Variants in DTNBP1 observed in about 807,000 individuals in gnomAD.
DTNBP1 encodes dystrobrevin binding protein 1, also known as dysbindin.
Under a neutral mutation model 42.8 loss-of-function variants are expected in DTNBP1, and 35 were observed. The ratio of observed to expected loss-of-function variants is 0.82; its 90% confidence interval spans 0.63 to 1.09. The LOEUF (loss-of-function observed/expected upper bound fraction) is 1.09, where lower values mean the gene tolerates loss of function less well. Among genes scored for constraint, DTNBP1 ranks in the 50% least tolerant of loss-of-function variants. The pLI is 0.00. For synonymous variants in DTNBP1, 171 were observed against 162.2 expected, an observed-to-expected ratio of 1.05 and a Z score of -0.41; for missense variants, 457 against 424.2, an observed-to-expected ratio of 1.08 and a Z score of -0.68.
intron 6 of DTNBP1, among the ~76,000 whole-genome samples, chr6:15,614,797 T>G (rs1317425287): frequency 6.6e-6 from 1 of 152,242 alleles, no homozygotes; most frequent in Admixed American, 6.5e-5. Flanking sequence ...ATCAGTGACA[T>G]TGAGGCCAAG....
In DTNBP1 at chr6:15,522,983, C is replaced by T. The variant is rs375282879; in HGVS notation, c.1048G>A (p.Asp350Asn). The T allele has an allele frequency of 3.2e-5, 51 of 1,614,096 alleles. No homozygotes were observed. The highest frequency in any genetic ancestry group is 4.5e-5 in the East Asian group (2 of 44,896). The change falls in exon 10 of 10, where the codon GAC becomes AAC. Residue 350 changes from aspartate to asparagine, a missense_variant. Coordinates refer to ENST00000344537, the MANE Select transcript of DTNBP1 (RefSeq NM_032122.5). The part of the protein sequence containing the change: ...EATPDGGEDS[D>N]S The stretch of plus-strand genomic sequence containing the variant: ...AACGCCCATGTCCCAATTTAAGAGT[C>T]GCTGTCCTCACCACCATCCGGAGTG...
At chr6:15,636,236 C>T (rs553507621) in intron 4 of DTNBP1, among the ~76,000 whole-genome samples, 17 of 146,424 alleles carry the variant, frequency 1.2e-4, no homozygotes, top group South Asian at 4.3e-4. Flanking sequence ...CCGTAACCTC[C>T]GCCTCCCAGG....
chr6:15,567,627 T>C (rs1485632579), intron 7 of DTNBP1, among the ~76,000 whole-genome samples: 1 of 152,186 alleles, frequency 6.6e-6, no homozygotes, highest in Non-Finnish European at 1.5e-5. Flanking sequence ...CATTGTCCCA[T>C]CTTTCTGGAT....
chr6:15,523,324 T>G, intron 9 of DTNBP1, 105 bp from the exon 10 acceptor site: 5 of 1,506,946 alleles, frequency 3.3e-6, no homozygotes, highest in Non-Finnish European at 4.5e-6. Context: ...GGGGGTGTGG[T>G]TTTTGTTCCA....
chr6:15,580,233 A>C (rs1305539374), intron 7 of DTNBP1, among the ~76,000 whole-genome samples: 2 of 152,208 alleles, frequency 1.3e-5, no homozygotes, highest in East Asian at 3.8e-4. Flanking sequence ...GTCACACCTC[A>C]AACAATAATC....
At chr6:15,532,697 C>CTTT (rs373480713) in intron 8 of DTNBP1, among the ~76,000 whole-genome samples, 998 of 92,994 alleles carry the variant, frequency 0.011, 17 homozygotes, top group East Asian at 0.013. Context: ...TGTTTGTAAT[C>CTTT]TTTTTTTTTT....
At chr6:15,547,654 T>C (rs2113391749) in intron 7 of DTNBP1, among the ~76,000 whole-genome samples, 1 of 152,334 alleles carries the variant, frequency 6.6e-6, no homozygotes, top group Middle Eastern at 3.4e-3. Flanking sequence ...GTCAACCTTA[T>C]GGGTGACAAT....
chr6:15,523,879 A>T (rs752887779), intron 9 of DTNBP1: 1 of 1,287,214 alleles, frequency 7.8e-7, no homozygotes, highest in South Asian at 1.2e-5. Context: ...AACCGTGGTA[A>T]TGGTAGAACC....
At chr6:15,533,075 G>A (rs1200722928) in intron 8 of DTNBP1, among the ~76,000 whole-genome samples, 165 bp downstream of exon 8, 2 of 152,162 alleles carry the variant, frequency 1.3e-5, no homozygotes, top group African/African-American at 4.8e-5. Flanking sequence ...GGCAAAAGCA[G>A]GGCAAGAGAG....
At chr6:15,636,049 G>A (rs1759996129) in intron 4 of DTNBP1, among the ~76,000 whole-genome samples, 1 of 152,082 alleles carries the variant, frequency 6.6e-6, no homozygotes, top group African/African-American at 2.4e-5. Context: ...AGGACAGGGA[G>A]CCTGATTTAA....
intron 6 of DTNBP1, among the ~76,000 whole-genome samples, chr6:15,610,641 C>T (rs898274430): frequency 3.3e-5 from 5 of 152,188 alleles, no homozygotes; most frequent in Admixed American, 6.5e-5. Context: ...ATTAAAAATG[C>T]TACTCCAATG....
At position 15,535,984 on chromosome 6, in the gene DTNBP1, G is replaced by C. The variant is rs555374087; in HGVS notation, c.512-2589C>G. Among the ~76,000 whole-genome samples the C allele has an allele frequency of 4.6e-5, 7 of 152,304 alleles. 1 individual carries two copies. In the South Asian group the frequency reaches 1.4e-3, roughly 32 times the overall value. On this transcript the variant is annotated intron_variant, in intron 7 of 9. Transcript: ENST00000344537. ...ATGCCTTTGAGATCTGTGGAACCTTGAACTTGAGAGCAATGATTAAGGGTA... is the reference window on the plus strand; with the variant it reads ...ATGCCTTTGAGATCTGTGGAACCTTCAACTTGAGAGCAATGATTAAGGGTA...
At chr6:15,626,359 T>C (rs1434232436) in intron 5 of DTNBP1, among the ~76,000 whole-genome samples, 1 of 152,244 alleles carries the variant, frequency 6.6e-6, no homozygotes, top group Non-Finnish European at 1.5e-5. Flanking sequence ...CTCCAAATAC[T>C]ACGTATCTAT....
chr6:15,572,209 T>C (rs1775369002), intron 7 of DTNBP1, among the ~76,000 whole-genome samples: 1 of 152,236 alleles, frequency 6.6e-6, no homozygotes, highest in African/African-American at 2.4e-5. Context: ...TGTTCCCATT[T>C]TATAGCTGAG....
rs564429252 is a variant in DTNBP1, at chr6:15,581,332, A to G, written c.511+11727T>C. Among the ~76,000 whole-genome samples the G allele has an allele frequency of 1.9e-3, 293 of 152,100 alleles. 4 individuals are homozygous for G. In the Middle Eastern group the frequency reaches 0.024, roughly 12 times the overall value. ...GTAGCTGGGATTACAGGCACCTGCC[A>G]CCACGCCTGGCTAATTTCTGTATTT... On this transcript the variant is annotated intron_variant, in intron 7 of 9. Coordinates refer to ENST00000344537, the MANE Select transcript of DTNBP1 (RefSeq NM_032122.5).
intron 7 of DTNBP1, among the ~76,000 whole-genome samples, chr6:15,572,909 A>G (rs1259268217): frequency 6.6e-6 from 1 of 151,952 alleles, no homozygotes; most frequent in East Asian, 1.9e-4. Context: ...TTTTTTAATT[A>G]TTTGTAGAGA....
intron 7 of DTNBP1, among the ~76,000 whole-genome samples, chr6:15,580,663 G>A (rs183030679): frequency 2.4e-3 from 359 of 152,220 alleles, no homozygotes; most frequent in Middle Eastern, 0.014. Flanking sequence ...AATGTTTGAG[G>A]CTATTGCAGA....
intron 7 of DTNBP1, among the ~76,000 whole-genome samples, chr6:15,538,871 T>C (rs1199584178): frequency 6.6e-6 from 1 of 152,224 alleles, no homozygotes; most frequent in Non-Finnish European, 1.5e-5. Context: ...TTGTTTCCTC[T>C]GGTTCAGCTC....
Position 15,563,944 on chromosome 6 carries a change from C to T in DTNBP1, c.511+29115G>A, listed in dbSNP as rs559369193. ...CAAAAATTAGCCAGGTGTGGTGGCA[C>T]ATGCCTGTAATCCCAGCTACTCGGG... is the stretch of plus-strand genomic sequence containing the variant. On this transcript the variant is annotated intron_variant, in intron 7 of 9. Coordinates refer to ENST00000344537, the MANE Select transcript of DTNBP1 (RefSeq NM_032122.5). 7.2e-5 allele frequency among the ~76,000 whole-genome samples: 11 copies of T among 151,946 alleles called. No individual in the cohort carries two copies. The South Asian group carries it at 2.1e-3, about 29-fold the overall frequency.
Sources: gnomAD v4.1 joint callset for allele counts (sites outside exome capture counted in the v4.1 genomes callset) on GRCh38, gnomAD v4.1.1 for gene constraint, MANE v1.5 for transcripts, NCBI Gene and HGNC (gene_info 2026-07-23, HGNC 2026-07-21) for gene names.